The following FBXW10 variants were observed in gnomAD, a reference collection of about 807,000 sequenced individuals.
FBXW10 encodes the protein F-box/WD repeat-containing protein 10.
Under a neutral mutation model 113.1 loss-of-function variants are expected in FBXW10, and 68 were observed. The ratio of observed to expected loss-of-function variants is 0.60; its 90% CI spans 0.49 to 0.74. The LOEUF (loss-of-function observed/expected upper bound fraction) is 0.74. Ranked by LOEUF, FBXW10 falls within the 30% of genes least tolerant of loss-of-function variation. The pLI is 0.00. For missense variants in FBXW10, 753 were observed against 1,284.5 expected (o/e 0.59, Z 6.32); for synonymous variants, 289 against 481.6 (o/e 0.60, Z 5.24).
chr17:18,758,515 C>A lies in FBXW10; in HGVS notation c.1433+10C>A. ...ATGACCTAAGTATCAGGTGAGGAGT[C>A]CAAAGGCATCATGATCCCTGTCCCA... On this transcript the variant is annotated intron_variant, in intron 7 of 13. Coordinates refer to ENST00000395665, the MANE Select transcript of FBXW10 (RefSeq NM_001267585.2). 3 of 1,613,362 alleles carry A rather than the reference C, an allele frequency of 1.9e-6. No homozygotes were observed. The highest frequency in any genetic ancestry group is 2.5e-6 in the Non-Finnish European group (3 of 1,179,732).
In FBXW10 at chr17:18,768,696, G is replaced by A. The variant is rs767853916; in HGVS notation, c.1847+20G>A. 7 of 1,613,012 alleles carry A rather than the reference G, an allele frequency of 4.3e-6. No individual in the cohort carries two copies. Among genetic ancestry groups the A allele is most frequent in the Middle Eastern group, 1.7e-4 (1 of 5,932 alleles). ...TCCCAAGTAGGTGCCTGTGAAGCCC[G>A]GAGCGATGAACCTGGTGTCCTTCCC... On this transcript the variant is annotated intron_variant, in intron 10 of 13. Transcript: ENST00000395665.
At chr17:18,777,718 T>G (rs2035729045) in intron 13 of FBXW10, among the ~76,000 whole-genome samples, 1 of 151,644 alleles carries the variant, frequency 6.6e-6, no homozygotes, top group Non-Finnish European at 1.5e-5. Flanking sequence ...TAATTTTTTG[T>G]ATTTTTAGTA....
At chr17:18,770,136 T>C (rs1293932808) in intron 11 of FBXW10, 51 bp downstream of exon 11, 5 of 1,608,674 alleles carry the variant, frequency 3.1e-6, no homozygotes, top group East Asian at 2.2e-5. Context: ...GTTGGATTTT[T>C]TGATTTTTTT....
chr17:18,757,032 A>G (rs986368440), intron 6 of FBXW10, among the ~76,000 whole-genome samples: 1 of 152,170 alleles, frequency 6.6e-6, no homozygotes, highest in Non-Finnish European at 1.5e-5. Flanking sequence ...CAAAAATGTC[A>G]AGAATTGCTC....
chr17:18,778,787 G>A lies in FBXW10; in HGVS notation c.2648G>A (p.Ser883Asn). The A allele has an allele frequency of 6.2e-7, 1 of 1,613,850 alleles. No homozygotes were observed. The highest frequency in any genetic ancestry group is 8.5e-7 in the Non-Finnish European group (1 of 1,179,836). The change falls in exon 14 of 14, where the codon AGT (serine) becomes AAT (asparagine). Residue 883 changes from serine (S) to asparagine (N), a missense_variant. Transcript: ENST00000395665. The stretch of plus-strand genomic sequence containing the variant: ...CCTCCTATAGATGTGAAACGAACCA[G>A]TATTCCCCTTGAAATCCAGAAACTG... ...SNPPIDVKRT[S>N]IPLEIQKLQP...
intron 7 of FBXW10, 48 bp from the exon 8 acceptor site, chr17:18,764,694 C>A (rs375386762): frequency 6.2e-7 from 1 of 1,613,660 alleles, no homozygotes; most frequent in Admixed American, 1.7e-5. Flanking sequence ...CAGTATGATC[C>A]TCTGGGCCCT....
chr17:18,768,619 T>C lies in FBXW10; in HGVS notation c.1790T>C (p.Met597Thr), dbSNP rs150697158. The C allele has an allele frequency of 6.8e-6, 11 of 1,614,018 alleles. No homozygotes were observed. The highest frequency in any genetic ancestry group is 8.5e-6 in the Non-Finnish European group (10 of 1,179,912). The change falls in exon 10 of 14, where the codon ATG (methionine) becomes ACG (threonine). Residue 597 changes from methionine (M) to threonine (T), a missense_variant. Transcript: ENST00000395665. Reference sequence around the variant, plus strand: ...TCAGGAAGTACTGATGGCCTGGTCATGGCCTGGAGCATGGTGGGGAAGTAC... The same window carrying C: ...TCAGGAAGTACTGATGGCCTGGTCACGGCCTGGAGCATGGTGGGGAAGTAC... ...LLSGSTDGLV[M>T]AWSMVGKYER...
At chr17:18,776,905 T>C (rs1228425103) in intron 13 of FBXW10, among the ~76,000 whole-genome samples, 1 of 152,086 alleles carries the variant, frequency 6.6e-6, no homozygotes, top group Admixed American at 6.5e-5. Flanking sequence ...CTGTATATAC[T>C]AACTTGGAAA....
At chr17:18,753,440 T>TG (rs1477785954) in intron 5 of FBXW10, among the ~76,000 whole-genome samples, 1 of 152,100 alleles carries the variant, frequency 6.6e-6, no homozygotes, top group African/African-American at 2.4e-5. Flanking sequence ...CCTGAATCCT[T>TG]AAAGACTCTT....
Position 18,744,835 on chromosome 17 carries a change from G to A in FBXW10, c.505+86G>A, listed in dbSNP as rs1397923773. ...AAATCTGTAAGGAACTGCAGTTGTA[G>A]ACAACATAGGTAGACAGAGATTGCA... On this transcript the variant is annotated intron_variant, in intron 1 of 13. Coordinates refer to ENST00000395665, the MANE Select transcript of FBXW10 (RefSeq NM_001267585.2). The A allele has an allele frequency of 1.9e-6, 3 of 1,554,610 alleles. No homozygotes were observed. The East Asian group carries it at 6.9e-5, about 36-fold the overall frequency.
At chr17:18,746,010 G>A (rs71367481) in intron 1 of FBXW10, among the ~76,000 whole-genome samples, 11 of 152,198 alleles carry the variant, frequency 7.2e-5, no homozygotes, top group African/African-American at 2.7e-4. Context: ...AGGGCTTCAG[G>A]AAGCTTCCAC....
intron 12 of FBXW10, 75 bp downstream of exon 12, chr17:18,772,758 A>G (rs2035640266): frequency 7.9e-7 from 1 of 1,273,468 alleles, no homozygotes; most frequent in Non-Finnish European, 1.1e-6. Context: ...GTGGTGGGAG[A>G]CGGGGAGGAC....
rs562045732 is a variant in FBXW10 at position 18,751,386 on chromosome 17, C to T, written c.1122+333C>T. ...GACTACAGGAGCCCGCCACCACGCC[C>T]GGCTAATTTTTTGTATTTTTTTTTT... On this transcript the variant is annotated intron_variant, in intron 5 of 13. Transcript: ENST00000395665. 2.0e-3 allele frequency among the ~76,000 whole-genome samples: 307 copies of T among 152,054 alleles called. 1 individual carries two copies. The highest frequency in any genetic ancestry group is 4.7e-3 in the Admixed American group (72 of 15,284).
At position 18,764,839 on chromosome 17, in the gene FBXW10, G is replaced by A; in HGVS notation, c.1531G>A (p.Gly511Arg). The A allele has an allele frequency of 6.2e-7, 1 of 1,613,948 alleles. No homozygotes were observed. Among genetic ancestry groups the A allele is most frequent in the Non-Finnish European group, 8.5e-7 (1 of 1,179,862 alleles). ...MDLCKNRLVS[G>R]GRDCQVKVWD... ...CTTGTGTAAGAACAGGCTCGTATCT[G>A]GAGGAAGAGATTGCCAGGTAAAAGG... is the stretch of plus-strand genomic sequence containing the variant. Residue 511 changes from glycine (G) to arginine (R), a missense_variant, in exon 8 of 14, where the codon GGA becomes AGA. Transcript: ENST00000395665.
At chr17:18,759,792 T>G (rs1597595494) in intron 7 of FBXW10, among the ~76,000 whole-genome samples, 1 of 152,090 alleles carries the variant, frequency 6.6e-6, no homozygotes, top group African/African-American at 2.4e-5. Flanking sequence ...TTTTTTGTAT[T>G]TTTTAGTAGA....
rs377437115 is a variant in FBXW10, at chr17:18,769,878, G to C, written c.1848-49G>C. ...TGCTCCCAACCTACAAACAAACCCA[G>C]GCATTTTACGAGAGGATGGGTACTG... On this transcript the variant is annotated intron_variant, in intron 10 of 13. Transcript: ENST00000395665. 6.1e-5 allele frequency: 97 copies of C among 1,594,170 alleles called. No homozygotes were observed. In the Middle Eastern group the frequency reaches 2.7e-3, roughly 44 times the overall value.
At position 18,769,996 on chromosome 17, in the gene FBXW10, T is replaced by C. The variant is rs1597603097; in HGVS notation, c.1917T>C (p.Ile639=). The change falls in exon 11 of 14, where the codon ATT becomes ATC. Residue 639 remains isoleucine (I), a synonymous_variant. Transcript: ENST00000395665. ...ISACADGKIR[I]YNFLNGNCMK... ...CCTGTGCAGATGGCAAGATCCGAAT[T>C]TACAATTTCCTCAACGGGAACTGTA... is the stretch of plus-strand genomic sequence containing the variant. 2 of 1,614,170 alleles carry C rather than the reference T, an allele frequency of 1.2e-6. No homozygotes were observed. Among genetic ancestry groups the C allele is most frequent in the African/African-American group, 2.7e-5 (2 of 75,018 alleles).
chr17:18,756,054 A>C lies in FBXW10; in HGVS notation c.1132A>C (p.Asn378His), dbSNP rs201169182. ...KWKLRTKNEY[N>H]LWTAYQNEET... Reference sequence around the variant, plus strand: ...AATATTCCCTTGTTAGAATGAGTACAACCTGTGGACTGCATACCAGAACGA... The same window carrying C: ...AATATTCCCTTGTTAGAATGAGTACCACCTGTGGACTGCATACCAGAACGA... The change falls in exon 6 of 14, where the codon AAC becomes CAC. Residue 378 changes from asparagine (N) to histidine (H), a missense_variant. Coordinates refer to ENST00000395665, the MANE Select transcript of FBXW10 (RefSeq NM_001267585.2). 3.8e-6 allele frequency: 6 copies of C among 1,588,082 alleles called. No homozygotes were observed. Among genetic ancestry groups the C allele is most frequent in the East Asian group, 2.4e-5 (1 of 42,232 alleles).
At chr17:18,754,757 G>A (rs2035227625) in intron 5 of FBXW10, among the ~76,000 whole-genome samples, 1 of 152,170 alleles carries the variant, frequency 6.6e-6, no homozygotes, top group African/African-American at 2.4e-5. Flanking sequence ...AAGGAGGGAG[G>A]AGGAATGAAG....
Sources: allele counts gnomAD v4.1 joint callset (sites outside exome capture counted in the v4.1 genomes callset), GRCh38; gene constraint gnomAD v4.1.1; transcripts MANE v1.5; gene names NCBI Gene and HGNC (gene_info 2026-07-23, HGNC 2026-07-21).